Variants in ATAD2 observed in about 807,000 individuals in gnomAD.
ATAD2 encodes the protein ATPase family AAA domain containing 2.
In ATAD2, 62 loss-of-function variants were observed where a neutral mutation model predicts 168.9. The observed-to-expected ratio is 0.37, with a 90% CI of 0.30 to 0.45. The LOEUF (loss-of-function observed/expected upper bound fraction) is 0.45. Ranked by LOEUF, ATAD2 falls within the 20% of genes least tolerant of loss-of-function variation. ATAD2 has a pLI of 1.00. For synonymous variants in ATAD2, 613 were observed against 571.6 expected (o/e 1.07, Z -1.03); for missense variants, 1,419 against 1,667.8 (o/e 0.85, Z 2.60).
At position 123,402,055 on chromosome 8, in the gene ATAD2, C is replaced by T. The variant is rs1403080611; in HGVS notation, c.-2281-880G>A. On this transcript the variant is annotated intron_variant, in intron 1 of 28. Coordinates refer to the ATAD2 transcript ENST00000521903. The surrounding 1 kb of genome is among the most constrained non-coding windows in gnomAD (Gnocchi z 4.8). ...AGTTTGAGAAGCGTACCATGTCGGC[C>T]CAGATTGAGGGTGGCGTCCATGGCC... 1 of 1,504,690 alleles carries T rather than the reference C, an allele frequency of 6.6e-7. No individual in the cohort carries two copies. The highest frequency in any genetic ancestry group is 9.2e-7 in the Non-Finnish European group (1 of 1,086,148). The allele number at this position is 1,504,690 out of a possible 1,614,324, so 93.2% of individuals were successfully genotyped here. A position where few individuals can be genotyped will look rare whatever the true frequency, so the allele number is the denominator to read the frequency against.
At chr8:123,336,318 A>T (rs890262101) in intron 22 of ATAD2, 55 bp downstream of exon 22, 2 of 1,464,468 alleles carry the variant, frequency 1.4e-6, no homozygotes, top group African/African-American at 2.9e-5. Flanking sequence ...AATCAACCCT[A>T]AGTGTTAGCT....
At chr8:123,358,605 C>G (rs1828717236) in intron 11 of ATAD2, among the ~76,000 whole-genome samples, 1 of 152,014 alleles carries the variant, frequency 6.6e-6, no homozygotes, top group Non-Finnish European at 1.5e-5. Flanking sequence ...CTTGACCTCT[C>G]AAAGTGCTGG....
chr8:123,391,471 T>C (rs1586906165), intron 1 of ATAD2, among the ~76,000 whole-genome samples: 1 of 93,776 alleles, frequency 1.1e-5, no homozygotes, highest in African/African-American at 4.5e-5. Context: ...TGATCAGAGG[T>C]AATGAGAAGT....
At chr8:123,357,090 A>G (rs1170796883) in intron 12 of ATAD2, among the ~76,000 whole-genome samples, 1 of 152,228 alleles carries the variant, frequency 6.6e-6, no homozygotes, top group Non-Finnish European at 1.5e-5. Context: ...CCATTTCCAT[A>G]AACATAAAAG....
chr8:123,335,676 C>G (rs1244415649), intron 22 of ATAD2, among the ~76,000 whole-genome samples: 2 of 152,118 alleles, frequency 1.3e-5, no homozygotes, highest in African/African-American at 2.4e-5. Flanking sequence ...ATCCTTTATA[C>G]ATTTTATTTT....
At chr8:123,384,350 G>A (rs982148237) in intron 1 of ATAD2, among the ~76,000 whole-genome samples, 5 of 152,116 alleles carry the variant, frequency 3.3e-5, no homozygotes, top group African/African-American at 1.2e-4. Flanking sequence ...CAATGCAACC[G>A]ATACACAAAA....
intron 11 of ATAD2, among the ~76,000 whole-genome samples, chr8:123,358,723 CTTTT>C (rs772822406): frequency 4.4e-4 from 34 of 76,850 alleles, no homozygotes; most frequent in African/African-American, 1.7e-3. Flanking sequence ...TGGTACATTA[CTTTT>C]TTTTTTTTTT....
upstream of ATAD2, among the ~76,000 whole-genome samples, chr8:123,397,045 G>A (rs1187273880): frequency 2.0e-5 from 3 of 151,718 alleles, no homozygotes; most frequent in African/African-American, 2.4e-5. Flanking sequence ...TTTAGTTAAG[G>A]ACGCGGGTTC....
rs769003427 is a variant in ATAD2, at chr8:123,369,970, T to C, written c.782A>G (p.Asp261Gly). 6.3e-7 allele frequency: 1 copy of C among 1,581,152 alleles called. No individual in the cohort carries two copies. The highest frequency in any genetic ancestry group is 1.3e-5 in the African/African-American group (1 of 74,278). ...QEHEDDGEDE[D>G]DEDDDDDDDD... ...GTCATCATCATCATCATCTTCATCA[T>C]CTTCATCTTCACCATCATCTTCATG... The change falls in exon 7 of 28, where the codon GAT becomes GGT. Residue 261 changes from aspartate to glycine, a missense_variant. Physicochemically the swap from Asp to Gly is moderately conservative, Grantham distance 94. Coordinates refer to ENST00000287394, the MANE Select transcript of ATAD2 (RefSeq NM_014109.4).
At chr8:123,415,312 AT>A (rs1284416128) in intron 1 of ATAD2, among the ~76,000 whole-genome samples, 7 of 152,228 alleles carry the variant, frequency 4.6e-5, no homozygotes, top group Admixed American at 4.6e-4. Context: ...CATAGAGGCT[AT>A]GTGGAAGTTT....
chr8:123,405,901 A>C (rs914442146), intron 1 of ATAD2, among the ~76,000 whole-genome samples: 1 of 152,262 alleles, frequency 6.6e-6, no homozygotes, highest in Non-Finnish European at 1.5e-5. Context: ...ATAAATTTCT[A>C]GAAGTGCAAT....
At chr8:123,387,962 C>CTGTTGT (rs1261873781) in intron 1 of ATAD2, among the ~76,000 whole-genome samples, 2 of 152,116 alleles carry the variant, frequency 1.3e-5, no homozygotes, top group African/African-American at 4.8e-5. Flanking sequence ...TCCCTGAAAA[C>CTGTTGT]TTAAACAACA....
At chr8:123,348,657 A>T (rs531411452) in intron 14 of ATAD2, among the ~76,000 whole-genome samples, 58 of 152,348 alleles carry the variant, frequency 3.8e-4, no homozygotes, top group African/African-American at 1.4e-3. Context: ...AGCCTGGGTG[A>T]CAGAGCAAGA....
intron 1 of ATAD2, among the ~76,000 whole-genome samples, chr8:123,404,952 T>C (rs958067846): frequency 1.3e-5 from 2 of 152,208 alleles, no homozygotes; most frequent in South Asian, 4.1e-4. Context: ...TGTTTCCAAA[T>C]CAGATCACAT....
At chr8:123,403,794 G>A (rs1563871983) in intron 1 of ATAD2, among the ~76,000 whole-genome samples, 1 of 152,140 alleles carries the variant, frequency 6.6e-6, no homozygotes, top group Non-Finnish European at 1.5e-5. Flanking sequence ...GAGCAGATGC[G>A]AAATGGACAT....
intron 2 of ATAD2, among the ~76,000 whole-genome samples, chr8:123,375,457 A>T (rs2129794987): frequency 6.6e-6 from 1 of 152,320 alleles, no homozygotes; most frequent in Non-Finnish European, 1.5e-5. Context: ...TTGGAAAAGT[A>T]TGCTACTTCC....
At position 123,371,906 on chromosome 8, in the gene ATAD2, T is replaced by C. The variant is rs1238408226; in HGVS notation, c.371-71A>G. On this transcript the variant is annotated intron_variant, in intron 3 of 27. Coordinates refer to ENST00000287394, the MANE Select transcript of ATAD2 (RefSeq NM_014109.4). ...TAGTATTTATAAAACAATTCTAAAA[T>C]GAACAATTGAAAAGCTATACTTTCA... The C allele has an allele frequency of 1.8e-5, 24 of 1,308,290 alleles. No individual in the cohort carries two copies. The South Asian group carries it at 2.4e-4, about 13-fold the overall frequency. 81.0% of individuals were successfully genotyped at this position (1,308,290 alleles called of 1,614,324 possible). A position where few individuals can be genotyped will look rare whatever the true frequency, so the allele number is the denominator to read the frequency against.
At chr8:123,355,607 C>T (rs10104406) in intron 13 of ATAD2, among the ~76,000 whole-genome samples, 91 of 152,152 alleles carry the variant, frequency 6.0e-4, no homozygotes, top group African/African-American at 2.1e-3. Context: ...TTTTGTTTAG[C>T]GCAGGCAATG....
At position 123,349,362 on chromosome 8, in the gene ATAD2, G is replaced by A; in HGVS notation, c.1729C>T (p.Leu577=). 6.2e-7 allele frequency: 1 copy of A among 1,614,016 alleles called. No homozygotes were observed. Among genetic ancestry groups the A allele is most frequent in the Non-Finnish European group, 8.5e-7 (1 of 1,179,976 alleles). The part of the protein sequence containing the change: ...EIVVIGATNR[L]DSIDPALRRP... ...CGTAAAGCAGGATCTATAGAATCTA[G>A]CCTGTTCGTAGCACCAATGACCACA... Residue 577 remains leucine, a synonymous_variant, in exon 14 of 28, where the codon CTA becomes TTA. Coordinates refer to ENST00000287394, the MANE Select transcript of ATAD2 (RefSeq NM_014109.4).
Sources: gnomAD v4.1 joint callset for allele counts (sites outside exome capture counted in the v4.1 genomes callset) on GRCh38, gnomAD v4.1.1 for gene constraint, Gnocchi (gnomAD v3.1) non-coding constraint, MANE v1.5 for transcripts, NCBI Gene and HGNC (gene_info 2026-07-23, HGNC 2026-07-21) for gene names.